The following CABCOCO1 variants were observed in gnomAD, a reference collection of about 807,000 sequenced individuals.
CABCOCO1 encodes the protein ciliary associated calcium binding coiled-coil 1, also known as ciliary-associated calcium-binding coiled-coil protein 1.
Under a neutral mutation model 35.7 loss-of-function variants are expected in CABCOCO1, and 28 were observed. The observed-to-expected ratio is 0.78, with a 90% CI of 0.58 to 1.07. The LOEUF is 1.07. Among genes scored for constraint, CABCOCO1 ranks in the 50% least tolerant of loss-of-function variants. The pLI is 0.00. For synonymous variants in CABCOCO1, 95 were observed against 100.1 expected (o/e 0.95, Z 0.30); for missense variants, 326 against 309.2 (o/e 1.05, Z -0.41).
chr10:61,752,457 G>A (rs1841809423), intron 5 of CABCOCO1, among the ~76,000 whole-genome samples: 1 of 151,316 alleles, frequency 6.6e-6, no homozygotes, highest in African/African-American at 2.4e-5. Flanking sequence ...AATAATTTAT[G>A]AGCCTACTGG....
chr10:61,694,508 T>A (rs1840241924), intron 5 of CABCOCO1, among the ~76,000 whole-genome samples: 1 of 151,782 alleles, frequency 6.6e-6, no homozygotes, highest in African/African-American at 2.4e-5. Flanking sequence ...ATACCGAACT[T>A]AAAAATGAAT....
intron 2 of CABCOCO1, among the ~76,000 whole-genome samples, chr10:61,678,112 A>G (rs908614233): frequency 2.0e-5 from 3 of 152,056 alleles, no homozygotes; most frequent in Non-Finnish European, 4.4e-5. Context: ...CATTTGGATA[A>G]CCAATTCTCC....
chr10:61,718,456 CCA>C (rs1359126029), intron 5 of CABCOCO1, among the ~76,000 whole-genome samples: 1 of 152,046 alleles, frequency 6.6e-6, no homozygotes, highest in African/African-American at 2.4e-5. Context: ...TAAAAAGCAA[CCA>C]CAGTTTGTTT....
intron 2 of CABCOCO1, among the ~76,000 whole-genome samples, chr10:61,674,365 C>T (rs1839446985): frequency 6.6e-6 from 1 of 152,094 alleles, no homozygotes; most frequent in African/African-American, 2.4e-5. Flanking sequence ...TAGACTGTCT[C>T]ATTAATGTAG....
At chr10:61,744,695 G>A (rs1841619574) in intron 5 of CABCOCO1, among the ~76,000 whole-genome samples, 1 of 152,144 alleles carries the variant, frequency 6.6e-6, no homozygotes, top group South Asian at 2.1e-4. Flanking sequence ...GTGCTAGAGA[G>A]TCAGACCTAT....
chr10:61,757,579 A>G (rs1187767393), intron 5 of CABCOCO1, among the ~76,000 whole-genome samples: 1 of 152,024 alleles, frequency 6.6e-6, no homozygotes, highest in Non-Finnish European at 1.5e-5. Flanking sequence ...AGGCAAAGAA[A>G]AGCTCAACTC....
chr10:61,675,588 C>A (rs753907263), intron 2 of CABCOCO1, among the ~76,000 whole-genome samples: 28 of 151,914 alleles, frequency 1.8e-4, no homozygotes, highest in Middle Eastern at 3.2e-3. Context: ...ATATTCAGGG[C>A]AAATATTTAA....
chr10:61,692,377 G>A (rs901605617), intron 5 of CABCOCO1, among the ~76,000 whole-genome samples: 1 of 152,040 alleles, frequency 6.6e-6, no homozygotes, highest in African/African-American at 2.4e-5. Context: ...TAAGTTCCTT[G>A]TAGATTCCAG....
chr10:61,664,961 G>C (rs1045589545), intron 1 of CABCOCO1, among the ~76,000 whole-genome samples: 2 of 152,108 alleles, frequency 1.3e-5, no homozygotes, highest in Admixed American at 6.6e-5. Flanking sequence ...ACAGCTAATC[G>C]CTTATGGTGT....
intron 5 of CABCOCO1, among the ~76,000 whole-genome samples, chr10:61,709,658 C>T (rs556475315): frequency 6.6e-6 from 1 of 151,234 alleles, no homozygotes; most frequent in South Asian, 2.1e-4. Flanking sequence ...TCATTTAAAT[C>T]GCTGTTTGCC....
intron 5 of CABCOCO1, among the ~76,000 whole-genome samples, chr10:61,729,727 C>A (rs966544880): frequency 1.3e-5 from 2 of 152,122 alleles, no homozygotes; most frequent in African/African-American, 4.8e-5. Flanking sequence ...TGCCCATCAA[C>A]AGATAATGGA....
intron 5 of CABCOCO1, among the ~76,000 whole-genome samples, chr10:61,747,876 T>G (rs560687666): frequency 4.2e-4 from 64 of 152,286 alleles, no homozygotes; most frequent in African/African-American, 1.4e-3. Flanking sequence ...AACCCTCACA[T>G]CAAGGCTGTC....
chr10:61,686,426 G>GC (rs1564535236), intron 4 of CABCOCO1, among the ~76,000 whole-genome samples: 1 of 151,958 alleles, frequency 6.6e-6, no homozygotes, highest in African/African-American at 2.4e-5. Context: ...AAAAAAAAAG[G>GC]TTTGCGTTTG....
intron 5 of CABCOCO1, among the ~76,000 whole-genome samples, chr10:61,713,895 T>C (rs1011352198): frequency 2.0e-5 from 3 of 152,222 alleles, no homozygotes; most frequent in African/African-American, 7.2e-5. Context: ...TTTGATGTGC[T>C]GCTGGATTCG....
chr10:61,681,560 C>T (rs756425698), intron 3 of CABCOCO1, among the ~76,000 whole-genome samples: 1 of 152,104 alleles, frequency 6.6e-6, no homozygotes, highest in African/African-American at 2.4e-5. Flanking sequence ...AAAGTTGTAT[C>T]AGTGGCATCC....
intron 4 of CABCOCO1, among the ~76,000 whole-genome samples, chr10:61,688,009 G>A (rs977797253): frequency 3.9e-5 from 6 of 152,058 alleles, no homozygotes; most frequent in Non-Finnish European, 5.9e-5. Flanking sequence ...AAAGTTTAGC[G>A]GGGACTGAGA....
intron 5 of CABCOCO1, among the ~76,000 whole-genome samples, chr10:61,747,881 G>C (rs976446675): frequency 4.6e-5 from 7 of 152,114 alleles, no homozygotes; most frequent in Admixed American, 1.3e-4. Context: ...TCACATCAAG[G>C]CTGTCTTCAT....
At chr10:61,750,061 C>T (rs982752053) in intron 5 of CABCOCO1, among the ~76,000 whole-genome samples, 1 of 151,492 alleles carries the variant, frequency 6.6e-6, no homozygotes, top group Non-Finnish European at 1.5e-5. Context: ...CCAGTGGGTA[C>T]CTTTCACATT....
At chr10:61,694,134 G>A (rs1840231062) in intron 5 of CABCOCO1, among the ~76,000 whole-genome samples, 1 of 151,426 alleles carries the variant, frequency 6.6e-6, no homozygotes. Flanking sequence ...TTGAGATGGA[G>A]CGATTATTCT....
Sources: allele counts gnomAD v4.1 joint callset (sites outside exome capture counted in the v4.1 genomes callset), GRCh38; gene constraint gnomAD v4.1.1; transcripts MANE v1.5; gene names NCBI Gene and HGNC (gene_info 2026-07-23, HGNC 2026-07-21).